PIAS1: variants seen among roughly 807,000 people sequenced by gnomAD.
PIAS1 encodes the protein E3 SUMO-protein ligase PIAS1.
In PIAS1, 6 loss-of-function variants were observed where a neutral mutation model predicts 71.3. The observed-to-expected ratio is 0.08, with a 90% CI of 0.05 to 0.17. The LOEUF (loss-of-function observed/expected upper bound fraction) is 0.17, where lower values mean the gene tolerates loss of function less well. Among genes scored for constraint, PIAS1 ranks in the 10% least tolerant of loss-of-function variants. The pLI, the probability that PIAS1 is intolerant of heterozygous loss-of-function variation, is 1.00. For synonymous variants in PIAS1, 303 were observed against 292.9 expected (o/e 1.03, Z -0.35); for missense variants, 555 against 793.6 (o/e 0.70, Z 3.61).
intron 11 of PIAS1, among the ~76,000 whole-genome samples, chr15:68,177,420 A>G (rs568211038): frequency 1.3e-5 from 2 of 152,326 alleles, no homozygotes; most frequent in African/African-American, 2.4e-5. Flanking sequence ...GAGTGTTTCA[A>G]GTGGAAAGCA....
At chr15:68,059,167 G>T (rs1255729918) in intron 1 of PIAS1, among the ~76,000 whole-genome samples, 1 of 151,730 alleles carries the variant, frequency 6.6e-6, no homozygotes, top group South Asian at 2.1e-4. Context: ...ACTACGCCCC[G>T]CTAATTTTTT....
intron 4 of PIAS1, among the ~76,000 whole-genome samples, chr15:68,142,771 T>C (rs910871104): frequency 1.4e-4 from 21 of 152,104 alleles, no homozygotes; most frequent in Non-Finnish European, 8.8e-5. Context: ...ATGGGCCTTA[T>C]CTCCATAAGA....
chr15:68,151,278 CTTTTA>C (rs1399185460), intron 6 of PIAS1, among the ~76,000 whole-genome samples: 3 of 151,926 alleles, frequency 2.0e-5, no homozygotes, highest in African/African-American at 4.8e-5. Context: ...CTTTTTGCTG[CTTTTA>C]TTTTATTTTT....
intron 6 of PIAS1, among the ~76,000 whole-genome samples, chr15:68,152,509 C>T (rs1386042537): frequency 6.6e-6 from 1 of 152,174 alleles, no homozygotes; most frequent in Non-Finnish European, 1.5e-5. Flanking sequence ...GCTCTGTCAT[C>T]AAGCAGTTGC....
chr15:68,176,440 TC>T (rs1374296953), intron 10 of PIAS1, 33 bp from the exon 11 acceptor site: 3 of 1,440,112 alleles, frequency 2.1e-6, no homozygotes, highest in Non-Finnish European at 1.9e-6. Flanking sequence ...TCATAGCTCT[TC>T]CCTTGCCTTG....
At chr15:68,122,278 G>A (rs992775240) in intron 2 of PIAS1, among the ~76,000 whole-genome samples, 1 of 152,108 alleles carries the variant, frequency 6.6e-6, no homozygotes, top group Non-Finnish European at 1.5e-5. Context: ...CCACCAGAAA[G>A]ACAAAAAATA....
Position 68,183,050 on chromosome 15 carries a change from A to G in PIAS1, c.1625-580A>G, listed in dbSNP as rs905978209. ...AGGGGCCTCCTTGCAGTGAATCCTCAGCAGCCAGGTAGCAGAACTACTCCT... is the reference window on the plus strand; with the variant it reads ...AGGGGCCTCCTTGCAGTGAATCCTCGGCAGCCAGGTAGCAGAACTACTCCT... On this transcript the variant is annotated intron_variant, in intron 12 of 13. Coordinates refer to ENST00000249636, the MANE Select transcript of PIAS1 (RefSeq NM_016166.3). Among the ~76,000 whole-genome samples the G allele has an allele frequency of 6.6e-5, 10 of 152,246 alleles. No individual in the cohort carries two copies. The South Asian group carries it at 1.9e-3, about 28-fold the overall frequency.
Position 68,165,344 on chromosome 15 carries a change from C to T in PIAS1, c.1008+540C>T, listed in dbSNP as rs188701092. Among the ~76,000 whole-genome samples the T allele has an allele frequency of 3.9e-3, 601 of 152,272 alleles. 5 individuals are homozygous for T. The highest frequency in any genetic ancestry group is 5.7e-3 in the Non-Finnish European group (388 of 68,022). The stretch of plus-strand genomic sequence containing the variant: ...CCATGTTGGTCAGGCTGGTCTCGAA[C>T]TCCTGACCTCAGGTGATCCACCCGC... On this transcript the variant is annotated intron_variant, in intron 8 of 13. Transcript: ENST00000249636.
chr15:68,136,320 C>G lies in PIAS1; in HGVS notation c.470-5626C>G, dbSNP rs1207630513. Among the ~76,000 whole-genome samples the G allele has an allele frequency of 5.7e-5, 3 of 52,758 alleles. 1 individual carries two copies. The highest frequency in any genetic ancestry group is 2.3e-4 in the Non-Finnish European group (3 of 13,242). 34.6% of individuals were successfully genotyped at this position (52,758 alleles called of 152,430 possible). On this transcript the variant is annotated intron_variant, in intron 2 of 13. Transcript: ENST00000249636. ...ACTCCAGCCTGGGCACCATTGAGCA[C>G]TGAGTGAACCAGACTCCGTCTGCAA...
chr15:68,064,404 T>C (rs2091994057), intron 1 of PIAS1, among the ~76,000 whole-genome samples: 2 of 152,202 alleles, frequency 1.3e-5, no homozygotes, highest in African/African-American at 2.4e-5. Context: ...TAGTGAAATA[T>C]GTCAACATTT....
At chr15:68,172,459 G>T (rs141013845) in intron 8 of PIAS1, among the ~76,000 whole-genome samples, 1 of 152,128 alleles carries the variant, frequency 6.6e-6, no homozygotes, top group African/African-American at 2.4e-5. Flanking sequence ...GGGTCAAATG[G>T]TATTTCTAGT....
At chr15:68,155,491 A>T (rs1181466156) in intron 7 of PIAS1, among the ~76,000 whole-genome samples, 3 of 149,802 alleles carry the variant, frequency 2.0e-5, no homozygotes, top group African/African-American at 4.9e-5. Context: ...TTTCCCAACA[A>T]ATTATGTAAT....
intron 2 of PIAS1, among the ~76,000 whole-genome samples, chr15:68,111,320 A>G (rs769643468): frequency 7.9e-5 from 12 of 152,200 alleles, no homozygotes; most frequent in Non-Finnish European, 1.6e-4. Context: ...GTTAGGCATC[A>G]TGACTAAAAT....
intron 1 of PIAS1, among the ~76,000 whole-genome samples, chr15:68,085,473 G>A (rs537862439): frequency 6.6e-6 from 1 of 152,282 alleles, no homozygotes; most frequent in African/African-American, 2.4e-5. Flanking sequence ...CATATGAATT[G>A]GGTTGCTGGA....
chr15:68,059,881 C>T (rs1036506125), intron 1 of PIAS1, among the ~76,000 whole-genome samples: 1 of 151,858 alleles, frequency 6.6e-6, no homozygotes, highest in South Asian at 2.1e-4. Context: ...CCTCTGTGCT[C>T]GGTTTTTACA....
At chr15:68,057,387 T>A (rs1043129378) in intron 1 of PIAS1, 11 of 361,702 alleles carry the variant, frequency 3.0e-5, no homozygotes, top group Middle Eastern at 8.9e-4. Flanking sequence ...AGCTGACAGC[T>A]TCATGAAACT....
chr15:68,115,263 G>A (rs189080040), intron 2 of PIAS1, among the ~76,000 whole-genome samples: 3 of 152,092 alleles, frequency 2.0e-5, no homozygotes, highest in African/African-American at 7.2e-5. Flanking sequence ...TGTGATTGTG[G>A]GACTATATGG....
At chr15:68,142,751 TTATGAAAGCATGGGCCTTATCTCCA>T (rs1282959081) in intron 4 of PIAS1, among the ~76,000 whole-genome samples, 1 of 152,014 alleles carries the variant, frequency 6.6e-6, no homozygotes, top group African/African-American at 2.4e-5. Flanking sequence ...ATATCAAGTT[TTATGAAAGCATGGGCCTTATCTCCA>T]TAAGAGGCAA....
chr15:68,151,972 CAG>C (rs1181456012), intron 6 of PIAS1, among the ~76,000 whole-genome samples: 1 of 32,728 alleles, frequency 3.1e-5, no homozygotes, highest in African/African-American at 7.8e-5. Flanking sequence ...GGGGGGGAGA[CAG>C]AGTCTTGCTC....
Sources: gnomAD v4.1 joint callset for allele counts (sites outside exome capture counted in the v4.1 genomes callset) on GRCh38, gnomAD v4.1.1 for gene constraint, MANE v1.5 for transcripts, NCBI Gene and HGNC (gene_info 2026-07-23, HGNC 2026-07-21) for gene names.